Variants in CATSPERD observed in about 807,000 individuals in gnomAD.
CATSPERD encodes cation channel sperm-associated auxiliary subunit delta.
CATSPERD carries 86 observed loss-of-function variants against 98.1 expected under a neutral mutation model. That is an observed-to-expected ratio of 0.88 (90% confidence interval 0.74 to 1.05). The LOEUF (loss-of-function observed/expected upper bound fraction) is 1.05, where lower values mean the gene tolerates loss of function less well. Ranked by LOEUF, CATSPERD falls within the 50% of genes least tolerant of loss-of-function variation. CATSPERD has a pLI of 0.00. For synonymous variants in CATSPERD, 394 were observed against 390.2 expected (o/e 1.01, Z -0.12); for missense variants, 995 against 1,005.7 (o/e 0.99, Z 0.14).
chr19:5,727,486 G>T (rs998658069), intron 3 of CATSPERD, 142 bp downstream of exon 3: 1 of 644,554 alleles, frequency 1.6e-6, no homozygotes, highest in Non-Finnish European at 2.7e-6. Context: ...CCATAGTCAG[G>T]GGCTGGAATT....
At chr19:5,742,510 A>T (rs371776010) in intron 7 of CATSPERD, among the ~76,000 whole-genome samples, 1 of 152,096 alleles carries the variant, frequency 6.6e-6, no homozygotes, top group Non-Finnish European at 1.5e-5. Context: ...GGCTGGGTAC[A>T]GTGGCTCTCA....
rs567552095 is a variant in CATSPERD at position 5,727,618 on chromosome 19, A to C, written c.203+274A>C. Among the ~76,000 whole-genome samples the C allele has an allele frequency of 2.6e-5, 4 of 152,264 alleles. No individual in the cohort carries two copies. In the South Asian group the frequency reaches 8.3e-4, roughly 32 times the overall value. On this transcript the variant is annotated intron_variant, in intron 3 of 21. Coordinates refer to ENST00000381624, the MANE Select transcript of CATSPERD (RefSeq NM_152784.4). ...ATGCCTCAGGAAAAAATGCCTAGGAAGTTTCCACTGGGGAGTTGATGACAA... is the reference window on the plus strand; with the variant it reads ...ATGCCTCAGGAAAAAATGCCTAGGACGTTTCCACTGGGGAGTTGATGACAA...
intron 19 of CATSPERD, chr19:5,772,529 G>C (rs934443154): frequency 2.3e-6 from 1 of 437,976 alleles, no homozygotes; most frequent in Non-Finnish European, 4.1e-6. Context: ...GCCTAGCTCC[G>C]AGCAGACTTT....
At chr19:5,763,433 A>T in intron 16 of CATSPERD, 140 bp downstream of exon 16, 1 of 618,310 alleles carries the variant, frequency 1.6e-6, no homozygotes, top group East Asian at 2.9e-5. Flanking sequence ...TCTGCCTCAA[A>T]AACTAAAAAA....
At chr19:5,730,700 A>C (rs1454297348) in intron 4 of CATSPERD, among the ~76,000 whole-genome samples, 1 of 151,848 alleles carries the variant, frequency 6.6e-6, no homozygotes, top group East Asian at 1.9e-4. Flanking sequence ...GGCTCACTTG[A>C]GTCCAGGAGT....
intron 14 of CATSPERD, 113 bp downstream of exon 14, chr19:5,758,045 G>A (rs761115942): frequency 7.6e-5 from 59 of 778,832 alleles, no homozygotes; most frequent in Middle Eastern, 4.8e-4. Context: ...GCCCGTGGCC[G>A]TGCCCCGCGG....
Position 5,737,850 on chromosome 19 carries a change from CA to C in CATSPERD, c.459+659del, listed in dbSNP as rs560043195. 5.8e-3 allele frequency among the ~76,000 whole-genome samples: 646 copies of C among 110,820 alleles called. 1 individual carries two copies. Among genetic ancestry groups the C allele is most frequent in the Middle Eastern group, 0.034 (7 of 206 alleles). 72.7% of individuals were successfully genotyped at this position (110,820 alleles called of 152,430 possible). A position where few individuals can be genotyped will look rare whatever the true frequency, so the allele number is the denominator to read the frequency against. ...GGGCAACAAGAGTGAAACTCCATCT[CA>C]AAAAAAAAAAAAAGAAAAAAGATAA... On this transcript the variant is annotated intron_variant, in intron 6 of 21. Coordinates refer to ENST00000381624, the MANE Select transcript of CATSPERD (RefSeq NM_152784.4).
At chr19:5,749,637 C>T (rs866087603) in intron 11 of CATSPERD, among the ~76,000 whole-genome samples, 1 of 151,966 alleles carries the variant, frequency 6.6e-6, no homozygotes, top group African/African-American at 2.4e-5. Context: ...TCGTGTATTA[C>T]ATTATTTAAC....
chr19:5,762,517 A>G (rs1240039068), intron 15 of CATSPERD, among the ~76,000 whole-genome samples: 1 of 152,192 alleles, frequency 6.6e-6, no homozygotes, highest in Non-Finnish European at 1.5e-5. Flanking sequence ...GGGTGGGGAC[A>G]TAGAACCAAA....
intron 3 of CATSPERD, among the ~76,000 whole-genome samples, chr19:5,728,595 A>C (rs982307143): frequency 6.6e-5 from 10 of 151,206 alleles, no homozygotes; most frequent in African/African-American, 2.4e-4. Flanking sequence ...GCCATGACCA[A>C]TTATAAAACA....
chr19:5,729,158 TG>T (rs1311629695), intron 3 of CATSPERD, among the ~76,000 whole-genome samples: 1 of 151,644 alleles, frequency 6.6e-6, no homozygotes, highest in Non-Finnish European at 1.5e-5. Flanking sequence ...TGCAGTGGCA[TG>T]ATCTTGGCTC....
intron 9 of CATSPERD, among the ~76,000 whole-genome samples, chr19:5,747,610 C>CTTTTTTT (rs10603074): frequency 2.3e-5 from 2 of 87,656 alleles, no homozygotes; most frequent in Non-Finnish European, 4.6e-5. Flanking sequence ...TTTTTCTTTT[C>CTTTTTTT]TTTTTTTTTT....
intron 15 of CATSPERD, 149 bp from the exon 16 acceptor site, chr19:5,763,066 A>ATGGG (rs1470373883): frequency 3.2e-6 from 2 of 621,980 alleles, no homozygotes; most frequent in African/African-American, 1.9e-5. Flanking sequence ...GAATGGATGG[A>ATGGG]TGGGTGGGTG....
At chr19:5,771,893 C>A (rs2056650779) in intron 19 of CATSPERD, among the ~76,000 whole-genome samples, 1 of 152,046 alleles carries the variant, frequency 6.6e-6, no homozygotes, top group Non-Finnish European at 1.5e-5. Context: ...ATAAGGACAC[C>A]AGTCTTATCA....
intron 5 of CATSPERD, among the ~76,000 whole-genome samples, chr19:5,735,294 C>G (rs567316402): frequency 6.6e-6 from 1 of 151,834 alleles, no homozygotes; most frequent in Non-Finnish European, 1.5e-5. Flanking sequence ...CCCGCCACCA[C>G]GCCTGGCTAA....
intron 5 of CATSPERD, among the ~76,000 whole-genome samples, chr19:5,736,288 G>C (rs986518274): frequency 1.3e-5 from 2 of 152,128 alleles, no homozygotes; most frequent in African/African-American, 4.8e-5. Flanking sequence ...ACTAGAGGAA[G>C]GTGCTACTGG....
chr19:5,756,114 C>G (rs1173930598), intron 13 of CATSPERD, among the ~76,000 whole-genome samples: 1 of 151,876 alleles, frequency 6.6e-6, no homozygotes, highest in Admixed American at 6.6e-5. Context: ...AACCCCATTT[C>G]TACTAAAAAT....
intron 3 of CATSPERD, 26 bp from the exon 4 acceptor site, chr19:5,729,846 T>G: frequency 7.2e-7 from 1 of 1,383,042 alleles, no homozygotes. Context: ...ATTATCCTAA[T>G]TTAACTTATT....
At chr19:5,773,466 A>G (rs4606852) in intron 20 of CATSPERD, among the ~76,000 whole-genome samples, 3,339 of 152,222 alleles carry the variant, frequency 0.022, 132 homozygotes, top group African/African-American at 0.076. Flanking sequence ...GACCATCCCA[A>G]TGCTTGCTAC....
Sources: gnomAD v4.1 joint callset for allele counts (sites outside exome capture counted in the v4.1 genomes callset) on GRCh38, gnomAD v4.1.1 for gene constraint, MANE v1.5 for transcripts, NCBI Gene and HGNC (gene_info 2026-07-23, HGNC 2026-07-21) for gene names.